Variants in PCDHGA10 observed in about 807,000 individuals in gnomAD.
PCDHGA10 encodes the protein protocadherin gamma subfamily A, 10, also known as protocadherin gamma-A10.
PCDHGA10 carries 42 observed loss-of-function variants against 59.5 expected under a neutral mutation model. The observed-to-expected ratio is 0.71, with a 90% CI of 0.55 to 0.91. The LOEUF is 0.91. Ranked by LOEUF, PCDHGA10 falls within the 40% of genes least tolerant of loss-of-function variation. The pLI, the probability that PCDHGA10 is intolerant of heterozygous loss-of-function variation, is 0.00. For missense variants in PCDHGA10, 1,111 were observed against 1,198.2 expected (o/e 0.93, Z 1.07); for synonymous variants, 511 against 517.2 (o/e 0.99, Z 0.16).
chr5:141,417,782 C>T (rs2096161767), intron 1 of PCDHGA10: 1 of 1,473,310 alleles, frequency 6.8e-7, no homozygotes, highest in Non-Finnish European at 9.0e-7. Flanking sequence ...CTGTCCTGGG[C>T]CGAATGCTCT....
chr5:141,432,763 C>T lies in PCDHGA10; in HGVS notation c.2436+17152C>T. The T allele has an allele frequency of 6.2e-7, 1 of 1,614,152 alleles. No homozygotes were observed. The highest frequency in any genetic ancestry group is 8.5e-7 in the Non-Finnish European group (1 of 1,180,004). ...TCACCGTGGCCGTGGCCGACAGCAT[C>T]CCCCAAGTCCTGGCGGACCTCGGCA... On this transcript the variant is annotated intron_variant, in intron 1 of 3. Transcript: ENST00000398610. This position sits in a 1 kb window ranked among gnomAD's most constrained non-coding sequence, Gnocchi z 6.0.
chr5:141,436,638 A>G (rs2097838155), intron 1 of PCDHGA10, among the ~76,000 whole-genome samples: 1 of 152,194 alleles, frequency 6.6e-6, no homozygotes, highest in Non-Finnish European at 1.5e-5. Flanking sequence ...ACATGCAATT[A>G]ATTAACAGTA....
At chr5:141,427,992 T>C in intron 1 of PCDHGA10, 1 of 1,599,002 alleles carries the variant, frequency 6.3e-7, no homozygotes, top group Non-Finnish European at 8.6e-7. Context: ...GCCCGATGGC[T>C]CCGCACTCTT....
At chr5:141,482,841 G>A (rs1401298303) in intron 1 of PCDHGA10, among the ~76,000 whole-genome samples, 1 of 139,444 alleles carries the variant, frequency 7.2e-6, no homozygotes, top group Non-Finnish European at 1.5e-5. Flanking sequence ...GGAGGCCAAG[G>A]TGGGCAGATC....
chr5:141,491,438 G>A lies in PCDHGA10; in HGVS notation c.2437-3369G>A, dbSNP rs376927300. The A allele has an allele frequency of 3.7e-6, 6 of 1,614,066 alleles. No homozygotes were observed. Among genetic ancestry groups the A allele is most frequent in the Admixed American group, 1.7e-5 (1 of 60,016 alleles). On this transcript the variant is annotated intron_variant, in intron 1 of 3. Coordinates refer to ENST00000398610, the MANE Select transcript of PCDHGA10 (RefSeq NM_018913.3). This position sits in a 1 kb window ranked among gnomAD's most constrained non-coding sequence, Gnocchi z 6.9. ...GGGGGTGGAGGGCAGTGCTGCAGGC[G>A]CCAGGACTCACCCTCCCCGGACTTC...
At chr5:141,507,450 CAGAG>C (rs940460926) in intron 3 of PCDHGA10, among the ~76,000 whole-genome samples, 1 of 152,170 alleles carries the variant, frequency 6.6e-6, no homozygotes, top group African/African-American at 2.4e-5. Flanking sequence ...GACGGAAGGA[CAGAG>C]AGAGAGGTGG....
In PCDHGA10 at chr5:141,477,442, A is replaced by G; in HGVS notation, c.2437-17365A>G. The G allele has an allele frequency of 6.2e-7, 1 of 1,614,132 alleles. No individual in the cohort carries two copies. Among genetic ancestry groups the G allele is most frequent in the Non-Finnish European group, 8.5e-7 (1 of 1,180,022 alleles). ...CCCCTTCCCTCTCAGCCCTTACAAT[A>G]GTGCGTGTTCAAGTGTCCGACATCA... On this transcript the variant is annotated intron_variant, in intron 1 of 3. Coordinates refer to ENST00000398610, the MANE Select transcript of PCDHGA10 (RefSeq NM_018913.3). This position sits in a 1 kb window ranked among gnomAD's most constrained non-coding sequence, Gnocchi z 4.9.
intron 1 of PCDHGA10, among the ~76,000 whole-genome samples, chr5:141,458,227 G>T (rs2154566190): frequency 6.6e-6 from 1 of 152,284 alleles, no homozygotes; most frequent in South Asian, 2.1e-4. Context: ...TCCTTTCCCA[G>T]TCCATGCACC....
chr5:141,421,291 G>C, intron 1 of PCDHGA10: 1 of 1,613,364 alleles, frequency 6.2e-7, no homozygotes, highest in Middle Eastern at 1.6e-4. Context: ...CATTTTCCTG[G>C]GGACGCTGCG....
chr5:141,484,695 G>A (rs1371166304), intron 1 of PCDHGA10, among the ~76,000 whole-genome samples: 3 of 151,920 alleles, frequency 2.0e-5, no homozygotes, highest in Non-Finnish European at 4.4e-5. Context: ...TCAGGCTGTG[G>A]CTGTTTTCCC....
Position 141,477,707 on chromosome 5 carries a change from C to T in PCDHGA10, c.2437-17100C>T. ...AGTGCCCCTAGACTATGAGGATCGG[C>T]GGGAATTTGAATTAACAGCTCATAT... On this transcript the variant is annotated intron_variant, in intron 1 of 3. Transcript: ENST00000398610. The surrounding 1 kb of genome is among the most constrained non-coding windows in gnomAD (Gnocchi z 4.9). 6.2e-7 allele frequency: 1 copy of T among 1,613,952 alleles called. No individual in the cohort carries two copies. Among genetic ancestry groups the T allele is most frequent in the South Asian group, 1.1e-5 (1 of 91,086 alleles).
chr5:141,419,317 T>C, intron 1 of PCDHGA10: 1 of 1,613,952 alleles, frequency 6.2e-7, no homozygotes, highest in Non-Finnish European at 8.5e-7. Flanking sequence ...TCAACGGCCG[T>C]GTCTCCTACT....
At chr5:141,427,156 T>G (rs533425641) in intron 1 of PCDHGA10, 10 of 456,890 alleles carry the variant, frequency 2.2e-5, no homozygotes, top group African/African-American at 2.0e-4. Flanking sequence ...AATATGTTTG[T>G]GCTAGACCAT....
rs754652710 is a variant in PCDHGA10 at position 141,476,367 on chromosome 5, G to A, written c.2437-18440G>A. Reference sequence around the variant, plus strand: ...TTCTTTGAGGTGAACCGGGAGACCGGAGAGATGTTTGTGAACGACCGTCTG... The same window carrying A: ...TTCTTTGAGGTGAACCGGGAGACCGAAGAGATGTTTGTGAACGACCGTCTG... On this transcript the variant is annotated intron_variant, in intron 1 of 3. Coordinates refer to ENST00000398610, the MANE Select transcript of PCDHGA10 (RefSeq NM_018913.3). The surrounding 1 kb of genome is among the most constrained non-coding windows in gnomAD (Gnocchi z 7.6). The A allele has an allele frequency of 2.5e-6, 4 of 1,614,172 alleles. No homozygotes were observed. In the South Asian group the frequency reaches 3.3e-5, roughly 13 times the overall value.
chr5:141,433,208 C>CTTTT, intron 1 of PCDHGA10: 1 of 1,293,074 alleles, frequency 7.7e-7, no homozygotes, highest in African/African-American at 1.5e-5. Flanking sequence ...AATCTTCTTT[C>CTTTT]TTTTTTTTTT....
chr5:141,459,044 A>T (rs2098959649), intron 1 of PCDHGA10, among the ~76,000 whole-genome samples: 1 of 152,204 alleles, frequency 6.6e-6, no homozygotes, highest in Non-Finnish European at 1.5e-5. Flanking sequence ...TACCAGCTAT[A>T]TTGAAGTATA....
At chr5:141,430,285 T>C (rs1456678142) in intron 1 of PCDHGA10, among the ~76,000 whole-genome samples, 18 of 151,710 alleles carry the variant, frequency 1.2e-4, no homozygotes, top group Admixed American at 1.2e-3. Flanking sequence ...GGAACAGTAA[T>C]CTCAAAGCAG....
rs368153419 is a variant in PCDHGA10 at position 141,476,458 on chromosome 5, C to T, written c.2437-18349C>T. 1 of 1,614,044 alleles carries T rather than the reference C, an allele frequency of 6.2e-7. No homozygotes were observed. Among genetic ancestry groups the T allele is most frequent in the Non-Finnish European group, 8.5e-7 (1 of 1,180,014 alleles). On this transcript the variant is annotated intron_variant, in intron 1 of 3. Coordinates refer to ENST00000398610, the MANE Select transcript of PCDHGA10 (RefSeq NM_018913.3). The surrounding 1 kb of genome is among the most constrained non-coding windows in gnomAD (Gnocchi z 7.6). ...TAACTCTGGAGTTGGTAGTGGAGAA[C>T]CCGCTGGAGCTGTTCAGCGTGGAAG...
At chr5:141,423,497 A>G in intron 1 of PCDHGA10, 4 of 1,613,940 alleles carry the variant, frequency 2.5e-6, no homozygotes, top group Non-Finnish European at 3.4e-6. Flanking sequence ...TATTCCCACG[A>G]GGTCTCTCTC....
Sources: allele counts gnomAD v4.1 joint callset (sites outside exome capture counted in the v4.1 genomes callset), GRCh38; gene constraint gnomAD v4.1.1; non-coding constraint Gnocchi (gnomAD v3.1); transcripts MANE v1.5; gene names NCBI Gene and HGNC (gene_info 2026-07-23, HGNC 2026-07-21).